The following PCDHGB3 variants were observed in gnomAD, a reference collection of about 807,000 sequenced individuals.
PCDHGB3 encodes protocadherin gamma-B3.
Under a neutral mutation model 59.2 loss-of-function variants are expected in PCDHGB3, and 40 were observed. The observed-to-expected ratio is 0.68, with a 90% confidence interval of 0.52 to 0.88. PCDHGB3 has a LOEUF of 0.88. Ranked by LOEUF, PCDHGB3 falls within the 40% of genes least tolerant of loss-of-function variation. PCDHGB3 has a pLI of 0.00. For synonymous variants in PCDHGB3, 581 were observed against 503.6 expected, an observed-to-expected ratio of 1.15 and a Z score of -2.06; for missense variants, 1,309 against 1,187.9, an observed-to-expected ratio of 1.10 and a Z score of -1.50.
At chr5:141,399,348 C>G (rs1287526689) in intron 1 of PCDHGB3, 1 of 1,613,940 alleles carries the variant, frequency 6.2e-7, no homozygotes, top group Non-Finnish European at 8.5e-7. Flanking sequence ...GAACCCTAGA[C>G]CGAGAGCAAA....
chr5:141,377,619 G>T (rs1248552210), intron 1 of PCDHGB3: 2 of 145,890 alleles, frequency 1.4e-5, no homozygotes, highest in Admixed American at 1.4e-4. Flanking sequence ...AAAAAAAAAA[G>T]ATTTTGTTTT....
At position 141,372,042 on chromosome 5, in the gene PCDHGB3, G is replaced by A. The variant is rs373749332; in HGVS notation, c.1648G>A (p.Val550Met). The A allele has an allele frequency of 5.0e-6, 8 of 1,613,478 alleles. No individual in the cohort carries two copies. The East Asian group carries it at 1.3e-4, about 27-fold the overall frequency. The stretch of plus-strand genomic sequence containing the variant: ...GCTCAGCGCCAACGTGAGCCTGCGC[G>A]TGTTGGTGGACGACCGCAACGACAA... ...PTLSANVSLRVLVDDRNDNAP... is the reference protein window; with the variant it reads ...PTLSANVSLRMLVDDRNDNAP... The change falls in exon 1 of 4, where the codon GTG becomes ATG. Residue 550 changes from valine to methionine, a missense_variant. Val to Met is a conservative substitution (Grantham distance 21). Transcript: ENST00000576222.
At chr5:141,385,566 C>T in intron 1 of PCDHGB3, 1 of 1,303,468 alleles carries the variant, frequency 7.7e-7, no homozygotes, top group Non-Finnish European at 9.7e-7. Context: ...TAATTTCCAC[C>T]TACTTTCCAA....
chr5:141,476,016 G>A lies in PCDHGB3; in HGVS notation c.2416-18791G>A. 7.4e-7 allele frequency: 1 copy of A among 1,359,386 alleles called. No individual in the cohort carries two copies. 84.2% of individuals were successfully genotyped at this position (1,359,386 alleles called of 1,614,324 possible). A position where few individuals can be genotyped will look rare whatever the true frequency, so the allele number is the denominator to read the frequency against. On this transcript the variant is annotated intron_variant, in intron 1 of 3. Coordinates refer to ENST00000576222, the MANE Select transcript of PCDHGB3 (RefSeq NM_018924.5). This position sits in a 1 kb window ranked among gnomAD's most constrained non-coding sequence, Gnocchi z 7.6. ...TCAACGGCATCCAGAAAGCCATGTC[G>A]GACTCGGCGCCCAGCGCCCAAGCGC...
Position 141,491,197 on chromosome 5 carries a change from G to A in PCDHGB3, c.2416-3610G>A. Reference sequence around the variant, plus strand: ...GGTGGTCCTGGTGAGGGACAATGGTGACCCTTCACTCTCCTCCACAGCCAC... The same window carrying A: ...GGTGGTCCTGGTGAGGGACAATGGTAACCCTTCACTCTCCTCCACAGCCAC... On this transcript the variant is annotated intron_variant, in intron 1 of 3. Coordinates refer to ENST00000576222, the MANE Select transcript of PCDHGB3 (RefSeq NM_018924.5). The surrounding 1 kb of genome is among the most constrained non-coding windows in gnomAD (Gnocchi z 6.9). 6.2e-7 allele frequency: 1 copy of A among 1,614,190 alleles called. No individual in the cohort carries two copies. The highest frequency in any genetic ancestry group is 8.5e-7 in the Non-Finnish European group (1 of 1,180,024).
chr5:141,382,128 C>T (rs1777984217), intron 1 of PCDHGB3, among the ~76,000 whole-genome samples: 3 of 152,026 alleles, frequency 2.0e-5, no homozygotes. Context: ...GCACCTGGCC[C>T]CCCCTCTCAT....
chr5:141,378,758 C>T (rs969501970), intron 1 of PCDHGB3: 1 of 152,162 alleles, frequency 6.6e-6, no homozygotes, highest in Admixed American at 6.5e-5. Flanking sequence ...AAGGGATTAT[C>T]ATTTAGAAGA....
intron 1 of PCDHGB3, chr5:141,393,331 GC>G (rs3214276): frequency 0.09 from 144,732 of 1,613,856 alleles, 7,527 homozygotes; most frequent in African/African-American, 0.18. Flanking sequence ...TACCAGCTCA[GC>G]CCCAATCACC....
rs145025535 is a variant in PCDHGB3 at position 141,457,569 on chromosome 5, T to A, written c.2416-37238T>A. 2.5e-3 allele frequency among the ~76,000 whole-genome samples: 376 copies of A among 152,304 alleles called. 1 individual carries two copies. Among genetic ancestry groups the A allele is most frequent in the African/African-American group, 8.6e-3 (357 of 41,554 alleles). On this transcript the variant is annotated intron_variant, in intron 1 of 3. Transcript: ENST00000576222. Reference sequence around the variant, plus strand: ...TGTATGATAAGCTTTGGAGCAAAATTTTTCTCTCCAGTCCTCATTTTTGGT... The same window carrying A: ...TGTATGATAAGCTTTGGAGCAAAATATTTCTCTCCAGTCCTCATTTTTGGT...
intron 1 of PCDHGB3, among the ~76,000 whole-genome samples, chr5:141,435,790 A>G (rs1336963117): frequency 2.0e-5 from 3 of 152,168 alleles, no homozygotes; most frequent in African/African-American, 7.2e-5. Flanking sequence ...GCAGGGAAAC[A>G]TAACGTCCCA....
chr5:141,374,610 G>C (rs773630975), intron 1 of PCDHGB3: 2 of 1,613,524 alleles, frequency 1.2e-6, no homozygotes, highest in Non-Finnish European at 1.7e-6. Context: ...AGTGGTAATA[G>C]TCACTTCTCA....
intron 1 of PCDHGB3, chr5:141,373,807 T>G (rs760297070): frequency 2.9e-6 from 1 of 341,172 alleles, no homozygotes; most frequent in African/African-American, 2.1e-5. Context: ...CTCTGTGTGA[T>G]AGTTTCACAA....
At position 141,477,961 on chromosome 5, in the gene PCDHGB3, C is replaced by T. The variant is rs199947431; in HGVS notation, c.2416-16846C>T. 21 of 1,614,048 alleles carry T rather than the reference C, an allele frequency of 1.3e-5. No homozygotes were observed. The Admixed American group carries it at 1.5e-4, about 12-fold the overall frequency. On this transcript the variant is annotated intron_variant, in intron 1 of 3. Coordinates refer to ENST00000576222, the MANE Select transcript of PCDHGB3 (RefSeq NM_018924.5). The surrounding 1 kb of genome is among the most constrained non-coding windows in gnomAD (Gnocchi z 4.9). Reference sequence around the variant, plus strand: ...CCTACAGTCTCTTGGGATCCCCTAACCAGAGCCTTTTTGCCATAGGGCTGC... The same window carrying T: ...CCTACAGTCTCTTGGGATCCCCTAATCAGAGCCTTTTTGCCATAGGGCTGC...
chr5:141,497,885 A>T (rs1469477968), intron 2 of PCDHGB3, among the ~76,000 whole-genome samples: 1 of 152,166 alleles, frequency 6.6e-6, no homozygotes, highest in Non-Finnish European at 1.5e-5. Flanking sequence ...AAGCGTTAGG[A>T]TCTAGTCCAG....
At chr5:141,456,984 C>T (rs374156327) in intron 1 of PCDHGB3, among the ~76,000 whole-genome samples, 1 of 152,082 alleles carries the variant, frequency 6.6e-6, no homozygotes, top group Admixed American at 6.6e-5. Flanking sequence ...AACAAACAAA[C>T]AAACAAAAAC....
chr5:141,405,461 C>T, intron 1 of PCDHGB3: 1 of 1,220,756 alleles, frequency 8.2e-7, no homozygotes, highest in Non-Finnish European at 1.1e-6. Context: ...ACTCTGTTAC[C>T]CAGGCTGGAA....
rs1349189547 is a variant in PCDHGB3 at position 141,432,777 on chromosome 5, C to T, written c.2415+59968C>T. Reference sequence around the variant, plus strand: ...GCCGACAGCATCCCCCAAGTCCTGGCGGACCTCGGCAGCCTCGAGTCTCCA... The same window carrying T: ...GCCGACAGCATCCCCCAAGTCCTGGTGGACCTCGGCAGCCTCGAGTCTCCA... On this transcript the variant is annotated intron_variant, in intron 1 of 3. Coordinates refer to ENST00000576222, the MANE Select transcript of PCDHGB3 (RefSeq NM_018924.5). This position sits in a 1 kb window ranked among gnomAD's most constrained non-coding sequence, Gnocchi z 6.0. The T allele has an allele frequency of 6.2e-6, 10 of 1,614,154 alleles. No individual in the cohort carries two copies. The highest frequency in any genetic ancestry group is 7.6e-6 in the Non-Finnish European group (9 of 1,179,992).
Position 141,491,077 on chromosome 5 carries a change from T to TAGGA in PCDHGB3, c.2416-3730_2416-3729insAGGA, listed in dbSNP as rs752090443. 1.2e-6 allele frequency: 2 copies of TAGGA among 1,614,166 alleles called. No homozygotes were observed. Among genetic ancestry groups the TAGGA allele is most frequent in the Admixed American group, 3.3e-5 (2 of 60,014 alleles). On this transcript the variant is annotated intron_variant, in intron 1 of 3. Transcript: ENST00000576222. This position sits in a 1 kb window ranked among gnomAD's most constrained non-coding sequence, Gnocchi z 6.9. The stretch of plus-strand genomic sequence containing the variant: ...GCTCTCCTACTCACTGTTGCCACAG[T>TAGGA]CCACAGCCCCAGGACTGTTCCTCGT...
chr5:141,376,675 CG>C (rs1228548126), intron 1 of PCDHGB3: 139 of 345,036 alleles, frequency 4.0e-4, no homozygotes, highest in South Asian at 5.8e-4. Context: ...GTGAGGGTAT[CG>C]TTTTTTTTTT....
Sources: gnomAD v4.1 joint callset for allele counts (sites outside exome capture counted in the v4.1 genomes callset) on GRCh38, gnomAD v4.1.1 for gene constraint, Gnocchi (gnomAD v3.1) non-coding constraint, MANE v1.5 for transcripts, NCBI Gene and HGNC (gene_info 2026-07-23, HGNC 2026-07-21) for gene names.